Variants in SNX25 observed in about 807,000 individuals in gnomAD.
SNX25 encodes the protein sorting nexin 25, also known as sorting nexin-25.
In SNX25, 62 loss-of-function variants were observed where a neutral mutation model predicts 113.7. The ratio of observed to expected loss-of-function variants is 0.55; its 90% CI spans 0.44 to 0.67. SNX25 has a LOEUF of 0.67. SNX25 is among the 30% of genes least tolerant of loss of function. The pLI is 0.00. For synonymous variants in SNX25, 421 were observed against 436.2 expected, an observed-to-expected ratio of 0.97 and a Z score of 0.43; for missense variants, 1,014 against 1,161.0, an observed-to-expected ratio of 0.87 and a Z score of 1.84.
chr4:185,246,216 C>T (rs371682965), intron 1 of SNX25, among the ~76,000 whole-genome samples: 5 of 152,092 alleles, frequency 3.3e-5, no homozygotes, highest in Non-Finnish European at 7.4e-5. Context: ...ACCTGGGAGG[C>T]GGAGGTTGCA....
At chr4:185,295,192 A>T (rs917745535) in intron 6 of SNX25, among the ~76,000 whole-genome samples, 2 of 152,218 alleles carry the variant, frequency 1.3e-5, no homozygotes, top group Non-Finnish European at 2.9e-5. Context: ...AGGTAGTGTG[A>T]TCTAGTGAAA....
chr4:185,246,091 GC>G (rs1744829441), intron 1 of SNX25, among the ~76,000 whole-genome samples: 1 of 152,126 alleles, frequency 6.6e-6, no homozygotes, highest in Admixed American at 6.5e-5. Context: ...TTCGAGACCA[GC>G]CTGGCCAACA....
upstream of SNX25, among the ~76,000 whole-genome samples, chr4:185,206,815 C>T (rs557208145): frequency 5.9e-5 from 9 of 152,260 alleles, no homozygotes; most frequent in African/African-American, 1.9e-4. Context: ...ATACACCCTT[C>T]GCCGGCTGGA....
At chr4:185,294,869 CCTTA>C (rs568885360) in intron 6 of SNX25, among the ~76,000 whole-genome samples, 50 of 151,768 alleles carry the variant, frequency 3.3e-4, no homozygotes, top group African/African-American at 1.2e-3. Flanking sequence ...TCCTCGTTGT[CCTTA>C]CTTTTTCTTT....
intron 13 of SNX25, among the ~76,000 whole-genome samples, chr4:185,350,144 TGGACCCCTTGTC>T (rs2095308083): frequency 6.9e-6 from 1 of 144,430 alleles, no homozygotes; most frequent in Non-Finnish European, 1.5e-5. Flanking sequence ...TGGTGTTCCG[TGGACCCCTTGTC>T]CCCAGCGGGG....
chr4:185,359,821 C>A (rs1579928182), intron 16 of SNX25, among the ~76,000 whole-genome samples: 1 of 152,182 alleles, frequency 6.6e-6, no homozygotes, highest in African/African-American at 2.4e-5. Context: ...TGAGCGGCTG[C>A]ATGTTGTGAG....
At chr4:185,322,380 C>T (rs573716301) in intron 8 of SNX25, among the ~76,000 whole-genome samples, 172 of 152,136 alleles carry the variant, frequency 1.1e-3, no homozygotes, top group African/African-American at 4.0e-3. Flanking sequence ...TGCAGTAAGC[C>T]GAGATCACGC....
chr4:185,345,889 ACT>A (rs2095283582), intron 12 of SNX25, among the ~76,000 whole-genome samples: 1 of 151,288 alleles, frequency 6.6e-6, no homozygotes, highest in East Asian at 1.9e-4. Context: ...ACTGGGTCTC[ACT>A]CTGTCTCCCA....
chr4:185,320,666 G>A, intron 7 of SNX25, 67 bp from the exon 8 acceptor site: 1 of 1,234,590 alleles, frequency 8.1e-7, no homozygotes, highest in Admixed American at 2.8e-5. Flanking sequence ...TCAGTCCATT[G>A]GAAGTTAAAG....
intron 2 of SNX25, among the ~76,000 whole-genome samples, chr4:185,249,112 C>G (rs921664561): frequency 1.3e-5 from 2 of 152,196 alleles, no homozygotes; most frequent in African/African-American, 4.8e-5. Flanking sequence ...AATACAGTTG[C>G]TATCAACAGA....
rs760700001 is a variant in SNX25, at chr4:185,310,686, A to G, written c.1214A>G (p.Lys405Arg). 14 of 1,614,054 alleles carry G rather than the reference A, an allele frequency of 8.7e-6. No individual in the cohort carries two copies. In the South Asian group the frequency reaches 1.5e-4, roughly 18 times the overall value. Residue 405 changes from lysine (K) to arginine (R), a missense_variant, in exon 7 of 19, where the codon AAG becomes AGG. Physicochemically the swap from Lys to Arg is conservative, Grantham distance 26. Coordinates refer to ENST00000652585, the MANE Select transcript of SNX25 (RefSeq NM_001378034.2). ...KADLLRARNMKRYINQLTVAK... is the reference protein window; with the variant it reads ...KADLLRARNMRRYINQLTVAK... ...GATCTCCTGAGGGCCAGGAACATGA[A>G]GAGGTACATCAACCAACTGACTGTG... is the stretch of plus-strand genomic sequence containing the variant.
At chr4:185,370,521 A>G (rs1372693428), downstream of SNX25, 2 of 986,270 alleles carry the variant, frequency 2.0e-6, no homozygotes, top group Non-Finnish European at 3.0e-6. Context: ...CTCTGTAGAC[A>G]GAGGTTATCT....
chr4:185,294,281 G>A (rs1752565420), intron 6 of SNX25, among the ~76,000 whole-genome samples: 1 of 152,154 alleles, frequency 6.6e-6, no homozygotes, highest in Non-Finnish European at 1.5e-5. Context: ...ATCAAGTTTA[G>A]GGTGTAAAAG....
intron 1 of SNX25, among the ~76,000 whole-genome samples, chr4:185,222,398 G>A (rs1740099031): frequency 6.7e-6 from 1 of 150,238 alleles, no homozygotes; most frequent in Admixed American, 6.6e-5. Context: ...GGTATACAGC[G>A]CCCTATACCC....
intron 6 of SNX25, among the ~76,000 whole-genome samples, chr4:185,288,913 C>T (rs1027579255): frequency 5.3e-5 from 8 of 152,156 alleles, no homozygotes; most frequent in Admixed American, 3.3e-4. Flanking sequence ...CTCAAGTCTC[C>T]GCCAAGGAGA....
intron 13 of SNX25, among the ~76,000 whole-genome samples, chr4:185,349,374 G>T (rs2095304429): frequency 6.6e-6 from 1 of 152,152 alleles, no homozygotes; most frequent in South Asian, 2.1e-4. Context: ...TGCTTTAAAT[G>T]GGAATGCAGA....
At chr4:185,320,641 C>T in intron 7 of SNX25, 92 bp from the exon 8 acceptor site, 1 of 920,228 alleles carries the variant, frequency 1.1e-6, no homozygotes, top group Non-Finnish European at 1.5e-6. Context: ...TGCATTTTTA[C>T]CCTAAATGTA....
downstream of SNX25, among the ~76,000 whole-genome samples, chr4:185,373,946 C>T (rs561579097): frequency 2.0e-5 from 3 of 152,104 alleles, no homozygotes; most frequent in Admixed American, 6.5e-5. Flanking sequence ...TGGTTTCCTT[C>T]GGTAGAGGTA....
In SNX25 at chr4:185,351,606, G is replaced by A; in HGVS notation, c.2463G>A (p.Gln821=). The A allele has an allele frequency of 6.2e-7, 1 of 1,613,888 alleles. No homozygotes were observed. The highest frequency in any genetic ancestry group is 1.3e-5 in the African/African-American group (1 of 75,034). ...TTCCTCGCGACTTCTTCTCCCACCA[G>A]GAGGTGAGCCGTTGAAAGAGTGAAC... is the stretch of plus-strand genomic sequence containing the variant. ...ERLPRDFFSH[Q]EEETEEDSDL... is the part of the protein sequence containing the mutation. Residue 821 remains glutamine, a synonymous_variant, in exon 14 of 19, where the codon CAG becomes CAA. Coordinates refer to ENST00000652585, the MANE Select transcript of SNX25 (RefSeq NM_001378034.2).
Sources: allele counts gnomAD v4.1 joint callset (sites outside exome capture counted in the v4.1 genomes callset), GRCh38; gene constraint gnomAD v4.1.1; transcripts MANE v1.5; gene names NCBI Gene and HGNC (gene_info 2026-07-23, HGNC 2026-07-21).